The following IRAK1BP1 variants were observed in gnomAD, a reference collection of about 807,000 sequenced individuals.
IRAK1BP1 encodes interleukin 1 receptor associated kinase 1 binding protein 1, also known as interleukin-1 receptor-associated kinase 1-binding protein 1.
In IRAK1BP1, 24 loss-of-function variants were observed where a neutral mutation model predicts 28.0. That is an observed-to-expected ratio of 0.86 (90% CI 0.62 to 1.20). The LOEUF is 1.20. Ranked by LOEUF, IRAK1BP1 falls within the 50% of genes most tolerant of loss-of-function variation. The probability of loss-of-function intolerance (pLI) is 0.00; values close to 1 mark genes in which losing one functional copy is unlikely to be tolerated. For synonymous variants in IRAK1BP1, 131 were observed against 116.3 expected (o/e 1.13, Z -0.81); for missense variants, 336 against 316.7 (o/e 1.06, Z -0.46).
chr6:78,970,952 T>C, the IRAK1BP1 span: 9 of 1,064,380 alleles, frequency 8.5e-6, no homozygotes, highest in East Asian at 2.3e-4. Context: ...ATACAGGGTA[T>C]CAGCTGAAAT....
the IRAK1BP1 span, chr6:78,970,993 T>G: frequency 1.4e-6 from 1 of 707,312 alleles, no homozygotes; most frequent in East Asian, 2.9e-5. Flanking sequence ...CCTTTTCAGC[T>G]AATAGAAATT....
chr6:78,961,602 A>T, the IRAK1BP1 span: 1 of 1,356,620 alleles, frequency 7.4e-7, no homozygotes, highest in Non-Finnish European at 1.0e-6. Flanking sequence ...CTATATACAA[A>T]AAGTTGAGAA....
chr6:78,946,454 A>T, downstream of IRAK1BP1: 1 of 1,403,030 alleles, frequency 7.1e-7, no homozygotes, highest in South Asian at 1.7e-5. Context: ...TGCTAAAGTT[A>T]TATGACGGAA....
chr6:78,967,922 C>T, the IRAK1BP1 span, among the ~76,000 whole-genome samples: 1 of 151,850 alleles, frequency 6.6e-6, no homozygotes, highest in Non-Finnish European at 1.5e-5. Flanking sequence ...ATCACAAGGT[C>T]AGGAGATCAA....
intron 4 of IRAK1BP1, among the ~76,000 whole-genome samples, chr6:78,921,614 A>G (rs1030028188): frequency 3.9e-5 from 6 of 152,194 alleles, no homozygotes; most frequent in African/African-American, 1.2e-4. Context: ...CTGAGAAGGG[A>G]CAGACTGCCT....
chr6:78,946,774 G>C (rs771484458), downstream of IRAK1BP1: 21 of 1,591,256 alleles, frequency 1.3e-5, no homozygotes, highest in Admixed American at 1.8e-5. Context: ...TTTGGTTATG[G>C]TATTTCTTTT....
chr6:78,979,301 A>G, the IRAK1BP1 span, among the ~76,000 whole-genome samples: 1 of 152,116 alleles, frequency 6.6e-6, no homozygotes, highest in Non-Finnish European at 1.5e-5. Context: ...TCCATAGCCA[A>G]CACTCACAAC....
chr6:78,943,003 A>G (rs1489565266), intron 4 of IRAK1BP1, among the ~76,000 whole-genome samples: 1 of 152,228 alleles, frequency 6.6e-6, no homozygotes, highest in African/African-American at 2.4e-5. Flanking sequence ...ATGAAAAGTT[A>G]TGCAGCTTAG....
intron 1 of IRAK1BP1, among the ~76,000 whole-genome samples, chr6:78,869,668 C>G (rs565825368): frequency 6.6e-6 from 1 of 152,284 alleles, no homozygotes; most frequent in Middle Eastern, 3.4e-3. Context: ...GGAGATAATA[C>G]AAAATATCAT....
chr6:78,869,673 T>C (rs1480279170), intron 1 of IRAK1BP1, among the ~76,000 whole-genome samples: 1 of 152,194 alleles, frequency 6.6e-6, no homozygotes, highest in Non-Finnish European at 1.5e-5. Context: ...TAATACAAAA[T>C]ATCATTTATA....
intron 1 of IRAK1BP1, chr6:78,871,741 G>T (rs890916798): frequency 9.5e-6 from 2 of 209,668 alleles, no homozygotes; most frequent in Non-Finnish European, 1.9e-5. Context: ...GGAAGTGGCA[G>T]AATTTTAACT....
intron 1 of IRAK1BP1, among the ~76,000 whole-genome samples, chr6:78,883,396 GTTA>G (rs1434799874): frequency 6.6e-6 from 1 of 152,018 alleles, no homozygotes; most frequent in Non-Finnish European, 1.5e-5. Flanking sequence ...GTTTGAGAAT[GTTA>G]TTACTTTTTG....
At chr6:78,941,048 T>A in intron 4 of IRAK1BP1, 1 of 1,614,072 alleles carries the variant, frequency 6.2e-7, no homozygotes, top group South Asian at 1.1e-5. Flanking sequence ...CTGTAACAAA[T>A]CTTCCTTTAC....
chr6:78,905,915 A>G (rs1004793959), downstream of IRAK1BP1, among the ~76,000 whole-genome samples: 4 of 152,160 alleles, frequency 2.6e-5, no homozygotes, highest in African/African-American at 7.2e-5. Flanking sequence ...AATATTATCC[A>G]TACTTTTTGT....
the IRAK1BP1 span, chr6:78,955,203 T>C: frequency 1.3e-6 from 2 of 1,491,890 alleles, no homozygotes; most frequent in Non-Finnish European, 1.9e-6. Flanking sequence ...TCATATAAAG[T>C]ACTTCTGCTA....
chr6:78,891,684 A>T (rs1301556295), intron 2 of IRAK1BP1, among the ~76,000 whole-genome samples: 1 of 151,872 alleles, frequency 6.6e-6, no homozygotes, highest in Admixed American at 6.6e-5. Context: ...CTGGTCTCGA[A>T]CTCCTGGCCT....
the IRAK1BP1 span, among the ~76,000 whole-genome samples, chr6:78,978,977 C>T: frequency 6.6e-6 from 1 of 151,974 alleles, no homozygotes; most frequent in African/African-American, 2.4e-5. Context: ...ATGTTGAATC[C>T]ACACAAATAA....
chr6:78,870,440 C>T (rs1770757303), intron 1 of IRAK1BP1, among the ~76,000 whole-genome samples: 1 of 151,964 alleles, frequency 6.6e-6, no homozygotes, highest in South Asian at 2.1e-4. Context: ...ACCATTTGTT[C>T]TTTTTTTGCC....
intron 4 of IRAK1BP1, among the ~76,000 whole-genome samples, chr6:78,920,926 A>G (rs1442466069): frequency 6.6e-6 from 1 of 152,202 alleles, no homozygotes; most frequent in African/African-American, 2.4e-5. Flanking sequence ...TAAGGAACCT[A>G]AACAAATCCA....
Sources: gnomAD v4.1 joint callset for allele counts (sites outside exome capture counted in the v4.1 genomes callset) on GRCh38, gnomAD v4.1.1 for gene constraint, MANE v1.5 for transcripts, NCBI Gene and HGNC (gene_info 2026-07-23, HGNC 2026-07-21) for gene names.